Variants in GNG12 observed in about 807,000 individuals in gnomAD.
The protein encoded by GNG12 is G protein subunit gamma 12.
For synonymous variants in GNG12, 28 were observed against 29.7 expected, an observed-to-expected ratio of 0.94 and a Z score of 0.19; for missense variants, 69 against 83.8, an observed-to-expected ratio of 0.82 and a Z score of 0.69.
intron 1 of GNG12, among the ~76,000 whole-genome samples, chr1:67,832,127 G>C (rs115608989): frequency 2.1e-3 from 318 of 152,284 alleles, no homozygotes; most frequent in African/African-American, 7.1e-3. Context: ...AAGACAGCAG[G>C]GGGGAGAGGA....
At chr1:67,727,010 T>A (rs1298488513) in intron 2 of GNG12, among the ~76,000 whole-genome samples, 3 of 152,186 alleles carry the variant, frequency 2.0e-5, no homozygotes, top group Non-Finnish European at 4.4e-5. Flanking sequence ...AAGAAAGAAG[T>A]GCGCCAAGTG....
At chr1:67,801,902 A>G (rs987797983) in intron 1 of GNG12, among the ~76,000 whole-genome samples, 2 of 150,770 alleles carry the variant, frequency 1.3e-5, no homozygotes, top group Admixed American at 1.3e-4. Context: ...GCCTATAAAA[A>G]AGTGGAAGAA....
At chr1:67,758,762 CT>C (rs1346091823) in intron 2 of GNG12, among the ~76,000 whole-genome samples, 2 of 152,150 alleles carry the variant, frequency 1.3e-5, no homozygotes, top group African/African-American at 4.8e-5. Context: ...AAACATTTGC[CT>C]TTTCCTGATT....
chr1:67,775,744 A>C (rs1646701146), intron 2 of GNG12, among the ~76,000 whole-genome samples: 2 of 152,230 alleles, frequency 1.3e-5, no homozygotes, highest in Middle Eastern at 3.2e-3. Flanking sequence ...GAGCCAAAGA[A>C]GGCACTGTTT....
intron 2 of GNG12, among the ~76,000 whole-genome samples, chr1:67,765,937 C>A (rs148886438): frequency 2.6e-5 from 4 of 152,064 alleles, no homozygotes; most frequent in African/African-American, 9.7e-5. Context: ...TGTAACTAGA[C>A]GTAGTGGTGA....
chr1:67,809,766 C>A (rs1392980767), intron 1 of GNG12, among the ~76,000 whole-genome samples: 1 of 152,118 alleles, frequency 6.6e-6, no homozygotes, highest in Non-Finnish European at 1.5e-5. Flanking sequence ...ATCCAAAACA[C>A]TGATGGCACC....
chr1:67,742,400 C>A (rs1419158672), intron 2 of GNG12, among the ~76,000 whole-genome samples: 1 of 152,118 alleles, frequency 6.6e-6, no homozygotes, highest in Non-Finnish European at 1.5e-5. Context: ...TTCAGGAATT[C>A]TCTGGCCCTA....
intron 2 of GNG12, among the ~76,000 whole-genome samples, chr1:67,716,688 C>A (rs1646327533): frequency 6.6e-6 from 1 of 152,180 alleles, no homozygotes; most frequent in African/African-American, 2.4e-5. Flanking sequence ...AAAGGAGAGG[C>A]CAAGTATCAG....
chr1:67,768,120 A>G (rs558191846), intron 2 of GNG12, among the ~76,000 whole-genome samples: 1 of 152,370 alleles, frequency 6.6e-6, no homozygotes, highest in South Asian at 2.1e-4. Flanking sequence ...CTGGGAAAAT[A>G]ACAGCCACCA....
At chr1:67,785,545 T>C (rs921763150) in intron 1 of GNG12, among the ~76,000 whole-genome samples, 3 of 152,256 alleles carry the variant, frequency 2.0e-5, no homozygotes, top group African/African-American at 7.2e-5. Flanking sequence ...TAGTTGTATC[T>C]CCTAAATCAC....
At chr1:67,764,644 C>T (rs187114010) in intron 2 of GNG12, among the ~76,000 whole-genome samples, 1 of 152,140 alleles carries the variant, frequency 6.6e-6, no homozygotes, top group East Asian at 1.9e-4. Context: ...GGAAAGGGAA[C>T]AGATGTCCAA....
At chr1:67,775,753 T>C (rs1646701266) in intron 2 of GNG12, among the ~76,000 whole-genome samples, 1 of 152,204 alleles carries the variant, frequency 6.6e-6, no homozygotes, top group African/African-American at 2.4e-5. Flanking sequence ...AAGGCACTGT[T>C]TGGCTTTGAA....
At chr1:67,727,913 T>C (rs1425364654) in intron 2 of GNG12, among the ~76,000 whole-genome samples, 1 of 152,230 alleles carries the variant, frequency 6.6e-6, no homozygotes, top group Non-Finnish European at 1.5e-5. Context: ...ACAGAACCTT[T>C]TGCCTCATTA....
chr1:67,752,541 C>T (rs922722736), intron 2 of GNG12, among the ~76,000 whole-genome samples: 2 of 152,156 alleles, frequency 1.3e-5, no homozygotes, highest in Admixed American at 1.3e-4. Context: ...CTTGCACTCA[C>T]GGTAGACATC....
chr1:67,701,789 C>T lies in GNG12; in HGVS notation c.*3662G>A, dbSNP rs944322629. The T allele has an allele frequency of 8.5e-5, 13 of 152,594 alleles. No homozygotes were observed. Among genetic ancestry groups the T allele is most frequent in the Admixed American group, 8.5e-4 (13 of 15,282 alleles). 9.5% of individuals were successfully genotyped at this position (152,594 alleles called of 1,614,324 possible). A position where few individuals can be genotyped will look rare whatever the true frequency, so the allele number is the denominator to read the frequency against. On this transcript the variant is annotated 3_prime_UTR_variant, in exon 4 of 4. Coordinates refer to ENST00000370982, the MANE Select transcript of GNG12 (RefSeq NM_018841.6). ...CTGTTTGTAGTTACATGGCTAAAAA[C>T]AAGACATTATTACAGTAACCAAGTC...
intron 2 of GNG12, among the ~76,000 whole-genome samples, chr1:67,754,465 A>G (rs961798219): frequency 2.6e-5 from 4 of 151,880 alleles, no homozygotes; most frequent in Non-Finnish European, 5.9e-5. Context: ...CGCCACCTCA[A>G]TATTTCTCAA....
intron 1 of GNG12, among the ~76,000 whole-genome samples, chr1:67,785,024 C>T (rs1295068911): frequency 1.3e-5 from 2 of 152,182 alleles, no homozygotes; most frequent in Admixed American, 6.5e-5. Flanking sequence ...CAGCTGGCCA[C>T]AACCAGACTC....
At chr1:67,825,242 A>T (rs1235293942) in intron 1 of GNG12, among the ~76,000 whole-genome samples, 1 of 152,236 alleles carries the variant, frequency 6.6e-6, no homozygotes, top group Non-Finnish European at 1.5e-5. Flanking sequence ...CTGCTTTGGG[A>T]ATCTGAGTAT....
intron 2 of GNG12, among the ~76,000 whole-genome samples, chr1:67,741,827 G>A (rs915411769): frequency 6.6e-6 from 1 of 152,172 alleles, no homozygotes; most frequent in Non-Finnish European, 1.5e-5. Flanking sequence ...CTAACATTCA[G>A]AAATTGGGAG....
Sources: allele counts gnomAD v4.1 joint callset (sites outside exome capture counted in the v4.1 genomes callset), GRCh38; gene constraint gnomAD v4.1.1; transcripts MANE v1.5; gene names NCBI Gene and HGNC (gene_info 2026-07-23, HGNC 2026-07-21).